Variants in KANSL1 observed in about 807,000 individuals in gnomAD.
KANSL1 encodes the protein KAT8 regulatory NSL complex subunit 1, also known as MLL1/MLL complex subunit KANSL1.
A neutral mutation model predicts 103.6 loss-of-function variants in KANSL1; 22 were observed. The observed-to-expected ratio is 0.21, with a 90% CI of 0.15 to 0.30. KANSL1 has a LOEUF of 0.30. KANSL1 is among the 10% of genes least tolerant of loss of function. The pLI, the probability that KANSL1 is intolerant of heterozygous loss-of-function variation, is 1.00. For missense variants in KANSL1, 1,337 were observed against 1,399.8 expected, an observed-to-expected ratio of 0.96 and a Z score of 0.72; for synonymous variants, 600 against 527.6, an observed-to-expected ratio of 1.14 and a Z score of -1.88.
Position 46,066,278 on chromosome 17 carries a change from C to T in KANSL1, c.1848+259G>A, listed in dbSNP as rs117745580. Among the ~76,000 whole-genome samples the T allele has an allele frequency of 6.6e-5, 10 of 152,274 alleles. No homozygotes were observed. In the East Asian group the frequency reaches 1.9e-3, roughly 29 times the overall value. On this transcript the variant is annotated intron_variant, in intron 6 of 14. Transcript: ENST00000432791. ...GCAGTACTTAAACTTTCAGTCTCTCCCATTTCTATTAAAAAGCTCAAGACA... is the reference window on the plus strand; with the variant it reads ...GCAGTACTTAAACTTTCAGTCTCTCTCATTTCTATTAAAAAGCTCAAGACA...
chr17:46,141,894 T>C (rs980448150), intron 2 of KANSL1, among the ~76,000 whole-genome samples: 3 of 152,190 alleles, frequency 2.0e-5, no homozygotes, highest in African/African-American at 4.8e-5. Context: ...TCTTTCTTTA[T>C]TTCTCTTTTT....
intron 2 of KANSL1, among the ~76,000 whole-genome samples, chr17:46,136,984 T>C (rs1219492150): frequency 1.3e-5 from 2 of 152,274 alleles, no homozygotes; most frequent in African/African-American, 4.8e-5. Flanking sequence ...TGTAATTCCC[T>C]AATTATTTCC....
chr17:46,131,309 T>C (rs1598707996), intron 2 of KANSL1, among the ~76,000 whole-genome samples: 1 of 152,234 alleles, frequency 6.6e-6, no homozygotes, highest in Non-Finnish European at 1.5e-5. Flanking sequence ...TAACATGATG[T>C]CCATCTAACA....
intron 1 of KANSL1, among the ~76,000 whole-genome samples, chr17:46,189,536 T>C (rs2047206731): frequency 1.3e-5 from 2 of 152,192 alleles, no homozygotes; most frequent in African/African-American, 2.4e-5. Context: ...GCGTTTACTA[T>C]GTTTAGAAAA....
intron 2 of KANSL1, among the ~76,000 whole-genome samples, chr17:46,110,447 A>C (rs753805268): frequency 7.2e-5 from 11 of 152,240 alleles, no homozygotes; most frequent in Non-Finnish European, 1.0e-4. Context: ...TTTTATAATA[A>C]GGAAACTAAG....
chr17:46,191,096 A>C (rs2047295536), intron 1 of KANSL1, among the ~76,000 whole-genome samples: 2 of 152,246 alleles, frequency 1.3e-5, no homozygotes, highest in Non-Finnish European at 2.9e-5. Context: ...CTAGTAACCT[A>C]TGTAGAAAAA....
chr17:46,146,216 C>T (rs1430392382), intron 2 of KANSL1, among the ~76,000 whole-genome samples: 1 of 152,188 alleles, frequency 6.6e-6, no homozygotes, highest in East Asian at 1.9e-4. Context: ...GAGAATACCA[C>T]CACCTCATAT....
At chr17:46,175,309 G>GCT (rs1190293094) in intron 1 of KANSL1, among the ~76,000 whole-genome samples, 11 of 127,802 alleles carry the variant, frequency 8.6e-5, no homozygotes, top group East Asian at 2.6e-4. Flanking sequence ...CTGTCTTATT[G>GCT]CTGTGTGTGT....
chr17:46,082,174 T>C (rs2079010480), intron 4 of KANSL1, among the ~76,000 whole-genome samples: 1 of 152,182 alleles, frequency 6.6e-6, no homozygotes, highest in Non-Finnish European at 1.5e-5. Context: ...TGATTCCCAA[T>C]GATACTCCCT....
chr17:46,220,719 C>T (rs2048505851), intron 1 of KANSL1, among the ~76,000 whole-genome samples: 1 of 152,232 alleles, frequency 6.6e-6, no homozygotes, highest in Non-Finnish European at 1.5e-5. Flanking sequence ...CAGAGTCTCG[C>T]TTGGTCAGCC....
chr17:46,133,346 T>C (rs1211695223), intron 2 of KANSL1, among the ~76,000 whole-genome samples: 1 of 152,200 alleles, frequency 6.6e-6, no homozygotes, highest in Non-Finnish European at 1.5e-5. Context: ...GCTGCAATGA[T>C]TTTACCATGA....
chr17:46,159,841 C>A (rs1421955491), intron 2 of KANSL1, among the ~76,000 whole-genome samples: 1 of 152,210 alleles, frequency 6.6e-6, no homozygotes, highest in African/African-American at 2.4e-5. Context: ...TAGTTCACTT[C>A]TCTAGAGTGT....
At chr17:46,164,820 A>C (rs566458778) in intron 2 of KANSL1, among the ~76,000 whole-genome samples, 1 of 152,380 alleles carries the variant, frequency 6.6e-6, no homozygotes, top group Admixed American at 6.5e-5. Flanking sequence ...CAGCTCCCTC[A>C]CTTTAATTAG....
At chr17:46,047,121 C>G (rs1427813870) in intron 7 of KANSL1, among the ~76,000 whole-genome samples, 1 of 152,196 alleles carries the variant, frequency 6.6e-6, no homozygotes, top group Non-Finnish European at 1.5e-5. Context: ...TACAAGAAAT[C>G]ACATGGCCAC....
At chr17:46,064,571 C>G (rs2078304829) in intron 6 of KANSL1, among the ~76,000 whole-genome samples, 2 of 152,186 alleles carry the variant, frequency 1.3e-5, no homozygotes, top group African/African-American at 4.8e-5. Flanking sequence ...TCAATGGTCT[C>G]AATTCTCAGC....
rs781388886 is a variant in KANSL1, at chr17:46,030,067, C to T, written c.*1409G>A. 1.4e-4 allele frequency: 21 copies of T among 151,582 alleles called. No homozygotes were observed. Among genetic ancestry groups the T allele is most frequent in the Non-Finnish European group, 1.8e-4 (12 of 67,934 alleles). The allele number at this position is 151,582 out of a possible 1,614,324, so 9.4% of individuals were successfully genotyped here. A position where few individuals can be genotyped will look rare whatever the true frequency, so the allele number is the denominator to read the frequency against. On this transcript the variant is annotated 3_prime_UTR_variant, in exon 15 of 15. Coordinates refer to ENST00000432791, the MANE Select transcript of KANSL1 (RefSeq NM_015443.4). ...ATAGAACAAAGACAGCTACATGTTTCGCTGCCATTACACAGCTCCAAAGCA... is the reference window on the plus strand; with the variant it reads ...ATAGAACAAAGACAGCTACATGTTTTGCTGCCATTACACAGCTCCAAAGCA...
At chr17:46,209,620 A>G (rs1350915378) in intron 1 of KANSL1, among the ~76,000 whole-genome samples, 1 of 152,166 alleles carries the variant, frequency 6.6e-6, no homozygotes, top group East Asian at 1.9e-4. Context: ...CAGCCTCCCA[A>G]GTAGCTGGGA....
At chr17:46,094,514 GAT>G (rs1288976873) in intron 3 of KANSL1, 44 bp downstream of exon 3, 7 of 1,589,754 alleles carry the variant, frequency 4.4e-6, no homozygotes, top group Non-Finnish European at 5.1e-6. Context: ...AAGCGATATT[GAT>G]AGTTTTCGGC....
chr17:46,129,809 C>T (rs954854526), intron 2 of KANSL1, among the ~76,000 whole-genome samples: 8 of 152,100 alleles, frequency 5.3e-5, no homozygotes, highest in Admixed American at 5.2e-4. Context: ...TGGGGGTGGA[C>T]CTGTTTTCTA....
Sources: allele counts gnomAD v4.1 joint callset (sites outside exome capture counted in the v4.1 genomes callset), GRCh38; gene constraint gnomAD v4.1.1; transcripts MANE v1.5; gene names NCBI Gene and HGNC (gene_info 2026-07-23, HGNC 2026-07-21).